FN1: variants seen among roughly 807,000 people sequenced by gnomAD.
FN1 encodes fibronectin.
FN1 carries 106 observed loss-of-function variants against 297.3 expected under a neutral mutation model. That is an observed-to-expected ratio of 0.36 (90% CI 0.30 to 0.42). The LOEUF (loss-of-function observed/expected upper bound fraction) is 0.42. Among genes scored for constraint, FN1 ranks in the 10% least tolerant of loss-of-function variants. The probability of loss-of-function intolerance (pLI) is 1.00; values close to 1 mark genes in which losing one functional copy is unlikely to be tolerated. For synonymous variants in FN1, 1,149 were observed against 1,152.6 expected (o/e 1.00, Z 0.06); for missense variants, 2,690 against 3,124.9 (o/e 0.86, Z 3.32).
intron 10 of FN1, chr2:215,421,207 A>G (rs2064285181): frequency 6.7e-6 from 2 of 297,752 alleles, no homozygotes; most frequent in South Asian, 3.2e-5. Context: ...AACACCCAGC[A>G]TGATGTGGTG....
At chr2:215,378,770 G>C (rs2057748912) in intron 34 of FN1, among the ~76,000 whole-genome samples, 1 of 152,118 alleles carries the variant, frequency 6.6e-6, no homozygotes, top group Middle Eastern at 3.2e-3. Flanking sequence ...AGGTAGACTG[G>C]TACAAACTGT....
Position 215,420,790 on chromosome 2 carries a change from C to T in FN1, c.1558G>A (p.Val520Ile). ...AYSQLRDQCIVDDITYNVNDT... is the reference protein window; with the variant it reads ...AYSQLRDQCIIDDITYNVNDT... ...TTCACATTGTAAGTGATGTCATCAA[C>T]AATGCACTGATCTGTTTAGGAAACA... is the stretch of plus-strand genomic sequence containing the variant. Residue 520 changes from valine (V) to isoleucine (I), a missense_variant, in exon 11 of 46, where the codon GTT becomes ATT. Coordinates refer to ENST00000354785, the MANE Select transcript of FN1 (RefSeq NM_212482.4). 2 of 1,614,028 alleles carry T rather than the reference C, an allele frequency of 1.2e-6. No individual in the cohort carries two copies. The highest frequency in any genetic ancestry group is 2.2e-5 in the South Asian group (2 of 91,082).
chr2:215,398,864 C>T (rs553451932), intron 21 of FN1, among the ~76,000 whole-genome samples: 1 of 152,292 alleles, frequency 6.6e-6, no homozygotes, highest in Admixed American at 6.5e-5. Flanking sequence ...TTTTAAGTGA[C>T]TCTGAGTTTA....
chr2:215,422,116 T>C lies in FN1; in HGVS notation c.1521A>G (p.Thr507=), dbSNP rs767575514. ...TCVGNGRGEW[T]CIAYSQLRDQ... is the part of the protein sequence containing the mutation. ...CTCGAAGCTGCGAGTAGGCAATGCATGTCCATTCCCCACGACCATTCCCAA... is the reference window on the plus strand; with the variant it reads ...CTCGAAGCTGCGAGTAGGCAATGCACGTCCATTCCCCACGACCATTCCCAA... The change falls in exon 10 of 46, where the codon ACA becomes ACG. Residue 507 remains threonine, a synonymous_variant. Transcript: ENST00000354785. 2.5e-5 allele frequency: 40 copies of C among 1,614,104 alleles called. No individual in the cohort carries two copies. Among genetic ancestry groups the C allele is most frequent in the Non-Finnish European group, 3.1e-5 (36 of 1,180,036 alleles).
In FN1 at chr2:215,383,448, C is replaced by G; in HGVS notation, c.4930G>C (p.Val1644Leu). 9.3e-6 allele frequency: 15 copies of G among 1,614,142 alleles called. No individual in the cohort carries two copies. Among genetic ancestry groups the G allele is most frequent in the Non-Finnish European group, 1.3e-5 (15 of 1,180,008 alleles). Residue 1644 changes from valine to leucine, a missense_variant, in exon 31 of 46, where the codon GTT becomes CTT. Val to Leu is a conservative substitution (Grantham distance 32). This residue lies in a region of FN1 where 1,743 missense variants were observed against 1,945.2 expected (regional missense o/e 0.90). Transcript: ENST00000354785. ...DKPSQMQVTD[V>L]QDNSISVKWL... ...TTGACACTAATGCTGTTGTCCTGAA[C>G]ATCGGTCACTTGCATCTGGGATGGT...
At chr2:215,417,982 T>G (rs2063677656) in intron 12 of FN1, among the ~76,000 whole-genome samples, 1 of 152,190 alleles carries the variant, frequency 6.6e-6, no homozygotes, top group Non-Finnish European at 1.5e-5. Context: ...TTTAGAAGTT[T>G]CTACCATTTA....
At chr2:215,363,438 A>G (rs2053924506) in intron 44 of FN1, 1 of 152,132 alleles carries the variant, frequency 6.6e-6, no homozygotes, top group Non-Finnish European at 1.5e-5. Context: ...CCAATCTCCA[A>G]TTCTCCTCCA....
chr2:215,404,538 C>T lies in FN1; in HGVS notation c.3104G>A (p.Arg1035Gln), dbSNP rs199915234. ...TGYRLTVGLT[R>Q]RGQPRQYNVG... ...ATTGTACTGCCTGGGCTGTCCTCTT[C>T]GGGTAAGGCCCACGGTCAGTCGGTA... The change falls in exon 20 of 46, where the codon CGA (arginine) becomes CAA (glutamine). Residue 1035 changes from arginine to glutamine, a missense_variant. Transcript: ENST00000354785. The T allele has an allele frequency of 1.1e-5, 18 of 1,613,934 alleles. No homozygotes were observed. The highest frequency in any genetic ancestry group is 5.3e-5 in the African/African-American group (4 of 74,872).
chr2:215,432,053 T>G, intron 3 of FN1, 89 bp from the exon 4 acceptor site: 1 of 1,529,276 alleles, frequency 6.5e-7, no homozygotes, highest in South Asian at 1.1e-5. Context: ...GTACTTAGGT[T>G]GGCTAAAGTA....
intron 32 of FN1, 72 bp from the exon 33 acceptor site, chr2:215,381,152 A>G (rs2058144808): frequency 6.6e-7 from 1 of 1,504,624 alleles, no homozygotes; most frequent in East Asian, 2.3e-5. Flanking sequence ...ATAACATGCA[A>G]AGCAGTTTTG....
chr2:215,386,749 T>G lies in FN1; in HGVS notation c.4552A>C (p.Ser1518Arg). 1 of 1,614,044 alleles carries G rather than the reference T, an allele frequency of 6.2e-7. No homozygotes were observed. ...TCTCTGCCATTAAGAGCAACGATGC[T>G]GACCACATACTCTGTGCCTGGAGTG... ...NLTPGTEYVV[S>R]IVALNGREES... is the part of the protein sequence containing the mutation. Residue 1518 changes from serine (S) to arginine (R), a missense_variant, in exon 28 of 46, where the codon AGC (serine) becomes CGC (arginine). Physicochemically the swap from Ser to Arg is moderately radical, Grantham distance 110 (BLOSUM62 -1). This residue lies in a region of FN1 where 1,743 missense variants were observed against 1,945.2 expected (regional missense o/e 0.90). Coordinates refer to ENST00000354785, the MANE Select transcript of FN1 (RefSeq NM_212482.4).
At chr2:215,400,703 G>T (rs1167007016) in intron 20 of FN1, among the ~76,000 whole-genome samples, 5 of 111,870 alleles carry the variant, frequency 4.5e-5, no homozygotes, top group Middle Eastern at 0.013. Context: ...AGTGAGCCAA[G>T]ATCACACCAC....
intron 15 of FN1, 152 bp from the exon 16 acceptor site, chr2:215,408,578 A>G (rs1228143751): frequency 1.3e-6 from 1 of 782,388 alleles, no homozygotes; most frequent in Admixed American, 2.2e-5. Flanking sequence ...GATTATTATT[A>G]TTATTTTTAC....
At chr2:215,384,276 T>A (rs2058615217) in intron 29 of FN1, 92 bp from the exon 30 acceptor site, 5 of 1,235,418 alleles carry the variant, frequency 4.0e-6, no homozygotes, top group Middle Eastern at 2.1e-4. Flanking sequence ...TAGCAGCATG[T>A]AAATCACATC....
intron 41 of FN1, among the ~76,000 whole-genome samples, chr2:215,369,066 A>G (rs895101316): frequency 6.6e-6 from 1 of 152,110 alleles, no homozygotes; most frequent in African/African-American, 2.4e-5. Flanking sequence ...AAGCTGGGAG[A>G]ACCTGGTTAG....
chr2:215,374,566 C>A (rs1489126760), intron 38 of FN1, among the ~76,000 whole-genome samples: 2 of 152,222 alleles, frequency 1.3e-5, no homozygotes, highest in African/African-American at 4.8e-5. Flanking sequence ...GCTTTTCCTT[C>A]CACCATGATT....
rs114173289 is a variant in FN1, at chr2:215,390,470, A to C, written c.4252+1162T>G. Among the ~76,000 whole-genome samples the C allele has an allele frequency of 9.6e-3, 1,462 of 152,230 alleles. 21 individuals are homozygous for C. Among genetic ancestry groups the C allele is most frequent in the African/African-American group, 0.033 (1,369 of 41,514 alleles). ...AAAGTGCTGGGATTATACAGGCGAG[A>C]GCCACTGCACTGGTTTGCTTCATCT... On this transcript the variant is annotated intron_variant, in intron 26 of 45. Transcript: ENST00000354785.
At chr2:215,383,746 A>G (rs1176210652) in intron 30 of FN1, among the ~76,000 whole-genome samples, 2 of 152,168 alleles carry the variant, frequency 1.3e-5, no homozygotes, top group African/African-American at 4.8e-5. Flanking sequence ...CAACTCATCC[A>G]TTCTTTTCCC....
chr2:215,378,188 G>A lies in FN1; in HGVS notation c.5697C>T (p.Val1899=), dbSNP rs2057653558. The A allele has an allele frequency of 6.2e-7, 1 of 1,601,668 alleles. No homozygotes were observed. Residue 1899 remains valine, a synonymous_variant, in exon 35 of 46, where the codon GTC becomes GTT. Transcript: ENST00000354785. ...TTTGTTACTTACTCTCCAGAGTGGT[G>A]ACAACTCCCTGAGCTGGTCTGCTTG... is the stretch of plus-strand genomic sequence containing the variant. The part of the protein sequence containing the change: ...TLTSRPAQGV[V]TTLENVSPPR...
Sources: allele counts gnomAD v4.1 joint callset (sites outside exome capture counted in the v4.1 genomes callset), GRCh38; gene constraint gnomAD v4.1.1; regional missense constraint gnomAD v4.1.1; transcripts MANE v1.5; gene names NCBI Gene and HGNC (gene_info 2026-07-23, HGNC 2026-07-21).